Variants in TRPC5 observed in about 807,000 individuals in gnomAD.
The protein encoded by TRPC5 is transient receptor potential cation channel subfamily C member 5.
A neutral mutation model predicts 56.5 loss-of-function variants in TRPC5; 9 were observed. That is an observed-to-expected ratio of 0.16 (90% CI 0.10 to 0.28). The LOEUF (loss-of-function observed/expected upper bound fraction) is 0.28. TRPC5 is among the 10% of genes least tolerant of loss of function. The pLI, the probability that TRPC5 is intolerant of heterozygous loss-of-function variation, is 1.00. For synonymous variants in TRPC5, 282 were observed against 278.5 expected, an observed-to-expected ratio of 1.01 and a Z score of -0.13; for missense variants, 469 against 748.9, an observed-to-expected ratio of 0.63 and a Z score of 4.36.
chrX:111,964,802 C>T (rs1265627915), intron 1 of TRPC5, among the ~76,000 whole-genome samples: 1 of 111,191 alleles, frequency 9.0e-6, no homozygotes, highest in African/African-American at 3.3e-5. Flanking sequence ...CCAGGCCTGC[C>T]CTAAAAGAGC....
chrX:112,065,778 C>T (rs1569530494), intron 1 of TRPC5, among the ~76,000 whole-genome samples: 1 of 109,901 alleles, frequency 9.1e-6, no homozygotes, highest in Non-Finnish European at 1.9e-5. Flanking sequence ...GGCTGAGGCA[C>T]AAGAATTGCT....
chrX:112,032,594 T>G (rs909619040), intron 1 of TRPC5, among the ~76,000 whole-genome samples: 1 of 112,329 alleles, frequency 8.9e-6, no homozygotes, highest in Non-Finnish European at 1.9e-5. Flanking sequence ...TATGTACATA[T>G]GCTTGCTTGA....
chrX:111,968,265 C>A (rs1316355005), intron 1 of TRPC5, among the ~76,000 whole-genome samples: 1 of 111,194 alleles, frequency 9.0e-6, no homozygotes, highest in African/African-American at 3.3e-5. Context: ...CAAATCAAAA[C>A]CACAATGAGA....
intron 7 of TRPC5, among the ~76,000 whole-genome samples, chrX:111,794,880 A>T (rs1946047946): frequency 9.0e-6 from 1 of 111,689 alleles, no homozygotes; most frequent in Admixed American, 9.5e-5. Flanking sequence ...TCAACATATG[A>T]ACTTGGGGGA....
At chrX:112,040,388 C>T (rs1412729715) in intron 1 of TRPC5, among the ~76,000 whole-genome samples, 1 of 111,832 alleles carries the variant, frequency 8.9e-6, no homozygotes, top group Non-Finnish European at 1.9e-5. Context: ...TAGAACAATC[C>T]ATTTCCAGAC....
chrX:111,933,910 T>A (rs1926490639), intron 2 of TRPC5, among the ~76,000 whole-genome samples: 1 of 111,498 alleles, frequency 9.0e-6, no homozygotes, highest in Non-Finnish European at 1.9e-5. Context: ...TTTAATTGAT[T>A]CATTATTGTA....
intron 7 of TRPC5, among the ~76,000 whole-genome samples, chrX:111,818,374 G>T (rs1921926378): frequency 9.0e-6 from 1 of 110,515 alleles, no homozygotes; most frequent in African/African-American, 3.3e-5. Flanking sequence ...AATTATTAAT[G>T]GATTCCTCTC....
chrX:111,884,588 G>C (rs1020833423), intron 3 of TRPC5, among the ~76,000 whole-genome samples: 4 of 112,538 alleles, frequency 3.6e-5, no homozygotes. Context: ...CTAAGCCTGG[G>C]TAAGGTCTAG....
At chrX:111,820,380 A>T (rs1199637717) in intron 7 of TRPC5, among the ~76,000 whole-genome samples, 2 of 112,262 alleles carry the variant, frequency 1.8e-5, no homozygotes, top group African/African-American at 6.5e-5. Flanking sequence ...CAACTACAGT[A>T]GGAGGGGGTA....
chrX:111,881,325 C>T (rs967174219), intron 3 of TRPC5, among the ~76,000 whole-genome samples: 48 of 110,246 alleles, frequency 4.4e-4, no homozygotes, highest in Non-Finnish European at 8.0e-4. Context: ...TACAGGCACG[C>T]GCCACCACAC....
chrX:112,046,195 C>CTTTT (rs369946250), intron 1 of TRPC5, among the ~76,000 whole-genome samples: 2 of 88,662 alleles, frequency 2.3e-5, no homozygotes, highest in East Asian at 3.6e-4. Flanking sequence ...CCACCCCCAC[C>CTTTT]TTTTTTTTTT....
chrX:111,974,455 A>AT, intron 1 of TRPC5, among the ~76,000 whole-genome samples: 1 of 112,088 alleles, frequency 8.9e-6, no homozygotes, highest in East Asian at 2.8e-4. Flanking sequence ...GAAAAAAAAA[A>AT]TGACTTTTCA....
intron 1 of TRPC5, among the ~76,000 whole-genome samples, chrX:112,079,754 G>A (rs1930917998): frequency 8.9e-6 from 1 of 111,834 alleles, no homozygotes; most frequent in Non-Finnish European, 1.9e-5. Flanking sequence ...AAGGATGGCA[G>A]ATATCTGGTT....
chrX:111,859,646 A>G (rs151164150), intron 3 of TRPC5, among the ~76,000 whole-genome samples: 172 of 112,221 alleles, frequency 1.5e-3, no homozygotes, highest in African/African-American at 5.3e-3. Context: ...TCAGAAAGTG[A>G]CATTCTTTAC....
chrX:111,945,167 C>T (rs965239503), intron 2 of TRPC5, among the ~76,000 whole-genome samples: 1 of 109,330 alleles, frequency 9.1e-6, no homozygotes, highest in African/African-American at 3.3e-5. Flanking sequence ...TACACAGACG[C>T]GAGTCTCCTC....
Position 111,771,761 on chromosome X carries a change from C to T in TRPC5, c.*4552G>A, listed in dbSNP as rs1945844709. The stretch of plus-strand genomic sequence containing the variant: ...ATTTAAGTCTTCCAGGTAAGTTATT[C>T]TGACCTAAATGCTTTTTTTTTTTTT... On this transcript the variant is annotated 3_prime_UTR_variant, in exon 11 of 11. Coordinates refer to ENST00000262839, the MANE Select transcript of TRPC5 (RefSeq NM_012471.3). 9.4e-6 allele frequency among the ~76,000 whole-genome samples: 1 copy of T among 106,289 alleles called. No homozygotes were observed. Among genetic ancestry groups the T allele is most frequent in the African/African-American group, 3.7e-5 (1 of 27,147 alleles). The allele number at this position is 106,289 out of a possible 115,157, so 92.3% of individuals were successfully genotyped here. A position where few individuals can be genotyped will look rare whatever the true frequency, so the allele number is the denominator to read the frequency against.
At chrX:111,793,286 G>T (rs1267476907) in intron 7 of TRPC5, among the ~76,000 whole-genome samples, 9 of 111,548 alleles carry the variant, frequency 8.1e-5, no homozygotes, top group African/African-American at 2.9e-4. Context: ...GTATTAGGCT[G>T]TTCTCGCATT....
chrX:111,961,672 G>T (rs145697116), intron 1 of TRPC5, among the ~76,000 whole-genome samples: 8,890 of 111,826 alleles, frequency 0.079, 343 homozygotes, highest in Non-Finnish European at 0.12. Context: ...TGTACATAAA[G>T]ATCTTCACAT....
chrX:111,886,784 T>G (rs925012485), intron 3 of TRPC5, among the ~76,000 whole-genome samples: 8 of 112,171 alleles, frequency 7.1e-5, no homozygotes, highest in African/African-American at 2.6e-4. Context: ...ACTGTGCCAT[T>G]TCTGTCGCCT....
Sources: gnomAD v4.1 joint callset for allele counts (sites outside exome capture counted in the v4.1 genomes callset) on GRCh38, gnomAD v4.1.1 for gene constraint, MANE v1.5 for transcripts, NCBI Gene and HGNC (gene_info 2026-07-23, HGNC 2026-07-21) for gene names.